Variants in HELZ observed in about 807,000 individuals in gnomAD.
HELZ encodes the protein ATP-dependent RNA helicase with zinc finger domain.
A neutral mutation model predicts 218.2 loss-of-function variants in HELZ; 23 were observed. The ratio of observed to expected loss-of-function variants is 0.11; its 90% CI spans 0.08 to 0.15. The LOEUF is 0.15. Ranked by LOEUF, HELZ falls within the 10% of genes least tolerant of loss-of-function variation. The pLI, the probability that HELZ is intolerant of heterozygous loss-of-function variation, is 1.00. For missense variants in HELZ, 1,813 were observed against 2,353.7 expected, an observed-to-expected ratio of 0.77 and a Z score of 4.75; for synonymous variants, 814 against 829.4, an observed-to-expected ratio of 0.98 and a Z score of 0.32.
chr17:67,177,037 A>G (rs2039480038), intron 13 of HELZ, among the ~76,000 whole-genome samples: 1 of 150,738 alleles, frequency 6.6e-6, no homozygotes. Flanking sequence ...CAGTGATGTA[A>G]TCATAGCTCA....
At chr17:67,204,308 TA>T (rs1186120440) in intron 5 of HELZ, among the ~76,000 whole-genome samples, 1 of 152,214 alleles carries the variant, frequency 6.6e-6, no homozygotes, top group East Asian at 1.9e-4. Flanking sequence ...ACACAAACAT[TA>T]TAAAACTAAT....
chr17:67,148,295 G>A (rs766635501), intron 20 of HELZ, among the ~76,000 whole-genome samples: 2 of 152,164 alleles, frequency 1.3e-5, no homozygotes, highest in African/African-American at 4.8e-5. Context: ...CCCTACATTC[G>A]ATCATACAAG....
At chr17:67,147,931 T>G (rs903602540) in intron 20 of HELZ, among the ~76,000 whole-genome samples, 3 of 152,238 alleles carry the variant, frequency 2.0e-5, no homozygotes, top group Non-Finnish European at 4.4e-5. Context: ...CTCTGCGCGC[T>G]TTCTCCCATA....
At chr17:67,197,138 G>A (rs2040051784) in intron 7 of HELZ, among the ~76,000 whole-genome samples, 1 of 152,172 alleles carries the variant, frequency 6.6e-6, no homozygotes, top group Non-Finnish European at 1.5e-5. Context: ...CCCAGTGGGA[G>A]ATAACTGAAT....
intron 5 of HELZ, among the ~76,000 whole-genome samples, chr17:67,209,470 C>T (rs1320056906): frequency 6.6e-6 from 1 of 152,044 alleles, no homozygotes; most frequent in Non-Finnish European, 1.5e-5. Context: ...TGGTGGTGGG[C>T]GCCTGTAATC....
intron 12 of HELZ, among the ~76,000 whole-genome samples, chr17:67,187,283 C>T (rs570673955): frequency 6.6e-6 from 1 of 152,140 alleles, no homozygotes; most frequent in South Asian, 2.1e-4. Flanking sequence ...GGATCAAAGT[C>T]AGTGGGAAAT....
Position 67,244,615 on chromosome 17 carries a change from C to T in HELZ, c.-132+533G>A, listed in dbSNP as rs550337361. ...GGGGGGAAGAAAGTGAATCTCGGGC[C>T]GAGAGCCCTCCGCGGGGGAGGGAGG... On this transcript the variant is annotated intron_variant, in intron 1 of 32. Coordinates refer to ENST00000358691, the MANE Select transcript of HELZ (RefSeq NM_014877.4). 1.1e-3 allele frequency: 1,053 copies of T among 950,476 alleles called. 9 individuals are homozygous for T. In the African/African-American group the frequency reaches 0.018, roughly 16 times the overall value. The allele number at this position is 950,476 out of a possible 1,614,324, so 58.9% of individuals were successfully genotyped here.
At chr17:67,082,280 C>A (rs117683027) in intron 32 of HELZ, among the ~76,000 whole-genome samples, 1,932 of 152,294 alleles carry the variant, frequency 0.013, 20 homozygotes, top group Non-Finnish European at 0.018. Flanking sequence ...TAGCTCTATC[C>A]TTGAGTTCAA....
chr17:67,235,929 T>C (rs1348381384), intron 3 of HELZ, among the ~76,000 whole-genome samples: 2 of 151,772 alleles, frequency 1.3e-5, no homozygotes, highest in African/African-American at 4.8e-5. Context: ...CCCGGCTAAT[T>C]TTTTGTATTT....
At chr17:67,159,097 C>T (rs2038926797) in intron 17 of HELZ, among the ~76,000 whole-genome samples, 1 of 152,146 alleles carries the variant, frequency 6.6e-6, no homozygotes, top group South Asian at 2.1e-4. Context: ...AGCAAAAATG[C>T]TAACTACTCA....
chr17:67,207,660 G>A (rs1240779712), intron 5 of HELZ, among the ~76,000 whole-genome samples: 1 of 152,070 alleles, frequency 6.6e-6, no homozygotes, highest in Non-Finnish European at 1.5e-5. Flanking sequence ...AGTCAGTAAT[G>A]ATATAAAATC....
At chr17:67,227,867 T>C (rs1325949334) in intron 3 of HELZ, among the ~76,000 whole-genome samples, 1 of 152,242 alleles carries the variant, frequency 6.6e-6, no homozygotes, top group Non-Finnish European at 1.5e-5. Flanking sequence ...ACTTCTCTTG[T>C]TAATGTAGTT....
intron 5 of HELZ, among the ~76,000 whole-genome samples, chr17:67,204,812 G>A (rs994443646): frequency 6.6e-6 from 1 of 151,718 alleles, no homozygotes; most frequent in Non-Finnish European, 1.5e-5. Context: ...CTCCAATAAG[G>A]AGTTATCAAG....
At chr17:67,233,505 G>GA (rs1286295537) in intron 3 of HELZ, among the ~76,000 whole-genome samples, 1 of 152,192 alleles carries the variant, frequency 6.6e-6, no homozygotes, top group Non-Finnish European at 1.5e-5. Flanking sequence ...GAAGCAGAGA[G>GA]AAAAGTCATG....
chr17:67,237,110 C>G (rs978402019), intron 3 of HELZ, among the ~76,000 whole-genome samples: 1 of 152,090 alleles, frequency 6.6e-6, no homozygotes, highest in Non-Finnish European at 1.5e-5. Context: ...GAGGCCAAGG[C>G]GGGTGGATCA....
At chr17:67,208,961 A>G (rs2040377325) in intron 5 of HELZ, among the ~76,000 whole-genome samples, 1 of 150,098 alleles carries the variant, frequency 6.7e-6, no homozygotes, top group Non-Finnish European at 1.5e-5. Flanking sequence ...AAAAGAAAAA[A>G]GAAAAGAGAA....
intron 31 of HELZ, among the ~76,000 whole-genome samples, chr17:67,087,762 C>T (rs2036437325): frequency 6.6e-6 from 1 of 152,188 alleles, no homozygotes; most frequent in Non-Finnish European, 1.5e-5. Context: ...CCCTAAACTC[C>T]CTGTATTTGC....
At chr17:67,102,010 G>A (rs1260051453) in intron 31 of HELZ, among the ~76,000 whole-genome samples, 1 of 152,226 alleles carries the variant, frequency 6.6e-6, no homozygotes, top group Non-Finnish European at 1.5e-5. Flanking sequence ...AAGTGGGAAA[G>A]GATGCAGGCA....
rs972138726 is a variant in HELZ, at chr17:67,239,478, T to C, written c.-64A>G. ...TATCACCCAAATAGCCCATCAGAGC[T>C]CTTTATAATTTCTGAAAGACAAAGA... On this transcript the variant is annotated 5_prime_UTR_variant, in exon 3 of 33. Coordinates refer to ENST00000358691, the MANE Select transcript of HELZ (RefSeq NM_014877.4). 1 of 152,220 alleles carries C rather than the reference T, an allele frequency of 6.6e-6. No individual in the cohort carries two copies. The highest frequency in any genetic ancestry group is 1.5e-5 in the Non-Finnish European group (1 of 68,054). The allele number at this position is 152,220 out of a possible 1,614,324, so 9.4% of individuals were successfully genotyped here.
Sources: allele counts gnomAD v4.1 joint callset (sites outside exome capture counted in the v4.1 genomes callset), GRCh38; gene constraint gnomAD v4.1.1; transcripts MANE v1.5; gene names NCBI Gene and HGNC (gene_info 2026-07-23, HGNC 2026-07-21).